JPH3: variants seen among roughly 807,000 people sequenced by gnomAD.
JPH3 encodes the protein junctophilin 3.
JPH3 carries 11 observed loss-of-function variants against 59.6 expected under a neutral mutation model. The observed-to-expected ratio is 0.18, with a 90% CI of 0.12 to 0.31. The LOEUF is 0.31. JPH3 is among the 10% of genes least tolerant of loss of function. The pLI is 1.00. For missense variants in JPH3, 1,202 were observed against 1,105.7 expected, an observed-to-expected ratio of 1.09 and a Z score of -1.24; for synonymous variants, 673 against 483.6, an observed-to-expected ratio of 1.39 and a Z score of -5.14.
At chr16:87,606,043 G>C (rs1391680639) in intron 1 of JPH3, among the ~76,000 whole-genome samples, 1 of 152,216 alleles carries the variant, frequency 6.6e-6, no homozygotes, top group Non-Finnish European at 1.5e-5. Flanking sequence ...GCTTCCTGTT[G>C]GGAAGGGGGT....
In JPH3 at chr16:87,684,408, T is replaced by C; in HGVS notation, c.1285+142T>C. 2.2e-6 allele frequency: 3 copies of C among 1,349,638 alleles called. No individual in the cohort carries two copies. The East Asian group carries it at 7.6e-5, about 34-fold the overall frequency. The allele number at this position is 1,349,638 out of a possible 1,614,324, so 83.6% of individuals were successfully genotyped here. On this transcript the variant is annotated intron_variant, in intron 3 of 4. Transcript: ENST00000284262. Reference sequence around the variant, plus strand: ...GCTGCTCCCCTGCCCGGTGTCTTCCTCTCCCGCCGAAGGTGCTTGTTTGTG... The same window carrying C: ...GCTGCTCCCCTGCCCGGTGTCTTCCCCTCCCGCCGAAGGTGCTTGTTTGTG...
At chr16:87,649,465 T>G (rs1436188748) in intron 2 of JPH3, among the ~76,000 whole-genome samples, 1 of 152,192 alleles carries the variant, frequency 6.6e-6, no homozygotes, top group Non-Finnish European at 1.5e-5. Context: ...CCCGGGTTGC[T>G]CTAGAAGATG....
At chr16:87,603,921 G>A (rs2030373825) in intron 1 of JPH3, among the ~76,000 whole-genome samples, 1 of 152,242 alleles carries the variant, frequency 6.6e-6, no homozygotes, top group South Asian at 2.1e-4. Flanking sequence ...CCCCCACCCT[G>A]GAGGCCGCCC....
In JPH3 at chr16:87,647,083, G is replaced by C. The variant is rs576974491; in HGVS notation, c.1160+2048G>C. Among the ~76,000 whole-genome samples the C allele has an allele frequency of 4.6e-3, 702 of 152,278 alleles. 6 individuals carry two copies. The highest frequency in any genetic ancestry group is 0.02 in the Middle Eastern group (6 of 294). Reference sequence around the variant, plus strand: ...ATCTCTGAAGGCCTGTGAAGCTTAGGTGGTAACAGCTCCCTTCCTGGGGCA... The same window carrying C: ...ATCTCTGAAGGCCTGTGAAGCTTAGCTGGTAACAGCTCCCTTCCTGGGGCA... On this transcript the variant is annotated intron_variant, in intron 2 of 4. Coordinates refer to ENST00000284262, the MANE Select transcript of JPH3 (RefSeq NM_020655.4).
intron 2 of JPH3, among the ~76,000 whole-genome samples, chr16:87,657,527 A>G (rs866946362): frequency 6.6e-6 from 1 of 152,188 alleles, no homozygotes; most frequent in Non-Finnish European, 1.5e-5. Flanking sequence ...GTGAACTTTA[A>G]AACTGTTAAA....
intron 4 of JPH3, among the ~76,000 whole-genome samples, chr16:87,691,882 G>C (rs768239934): frequency 6.6e-6 from 1 of 152,182 alleles, no homozygotes; most frequent in Non-Finnish European, 1.5e-5. Flanking sequence ...GAACAGCCAA[G>C]CAGTGGGCAG....
chr16:87,602,378 T>C (rs1229388362), upstream of JPH3, among the ~76,000 whole-genome samples: 5 of 116,704 alleles, frequency 4.3e-5, no homozygotes, highest in Non-Finnish European at 7.1e-5. Flanking sequence ...CGCCCTAGCC[T>C]GCTGGGCCGC....
chr16:87,624,543 A>G (rs2031301199), intron 1 of JPH3, among the ~76,000 whole-genome samples: 1 of 152,208 alleles, frequency 6.6e-6, no homozygotes, highest in African/African-American at 2.4e-5. Flanking sequence ...TTTTGTGTGA[A>G]TCTGCCACCA....
intron 3 of JPH3, 197 bp downstream of exon 3, chr16:87,684,463 A>G: frequency 1.3e-6 from 1 of 761,638 alleles, no homozygotes. Context: ...CCCGGGACAC[A>G]GGACATGTGT....
At chr16:87,662,774 C>T (rs983207453) in intron 2 of JPH3, among the ~76,000 whole-genome samples, 7 of 152,220 alleles carry the variant, frequency 4.6e-5, no homozygotes, top group Admixed American at 1.3e-4. Context: ...TCAGCCCCCA[C>T]GCAGGGTTGC....
chr16:87,627,069 C>T (rs116180509), intron 1 of JPH3, among the ~76,000 whole-genome samples: 1,848 of 152,346 alleles, frequency 0.012, 17 homozygotes, highest in African/African-American at 0.025. Context: ...GCCTCAAGCC[C>T]GGGCCTGCCC....
At chr16:87,630,577 T>C (rs2150835046) in intron 1 of JPH3, among the ~76,000 whole-genome samples, 1 of 152,360 alleles carries the variant, frequency 6.6e-6, no homozygotes, top group Admixed American at 6.5e-5. Flanking sequence ...ATCACTATTG[T>C]GAGAATCTTC....
At position 87,611,732 on chromosome 16, in the gene JPH3, T is replaced by C. The variant is rs1185131965; in HGVS notation, c.382+8204T>C. Among the ~76,000 whole-genome samples the C allele has an allele frequency of 6.6e-6, 1 of 152,136 alleles. No individual in the cohort carries two copies. Among genetic ancestry groups the C allele is most frequent in the African/African-American group, 2.4e-5 (1 of 41,426 alleles). On this transcript the variant is annotated intron_variant, in intron 1 of 4. Coordinates refer to ENST00000284262, the MANE Select transcript of JPH3 (RefSeq NM_020655.4). This position sits in a 1 kb window ranked among gnomAD's most constrained non-coding sequence, Gnocchi z 4.5. Reference sequence around the variant, plus strand: ...AGACACAGATTTCCAGCCCCACCCCTGAGTCTCTGGGCCTGGGATGCCACC... The same window carrying C: ...AGACACAGATTTCCAGCCCCACCCCCGAGTCTCTGGGCCTGGGATGCCACC...
chr16:87,605,864 C>T (rs374210015), intron 1 of JPH3, among the ~76,000 whole-genome samples: 3 of 152,306 alleles, frequency 2.0e-5, no homozygotes, highest in African/African-American at 4.8e-5. Flanking sequence ...AAGGGGTATG[C>T]GGTTCTTAGC....
intron 2 of JPH3, among the ~76,000 whole-genome samples, chr16:87,672,455 C>G (rs13333542): frequency 0.25 from 38,430 of 152,116 alleles, 5,086 homozygotes; most frequent in African/African-American, 0.3. Flanking sequence ...TGAGGGTGGG[C>G]ATGATGGGCA....
chr16:87,664,313 C>T (rs1407998469), intron 2 of JPH3, among the ~76,000 whole-genome samples: 1 of 126,402 alleles, frequency 7.9e-6, no homozygotes, highest in Admixed American at 8.5e-5. Context: ...GCCTGGGCGA[C>T]AGAATGAGAC....
Position 87,611,539 on chromosome 16 carries a change from C to T in JPH3, c.382+8011C>T, listed in dbSNP as rs1052602206. Among the ~76,000 whole-genome samples the T allele has an allele frequency of 6.6e-6, 1 of 152,156 alleles. No homozygotes were observed. The highest frequency in any genetic ancestry group is 2.4e-5 in the African/African-American group (1 of 41,434). ...TGAATGTCACGGGTATTGTTCTGGACCCAGGGAAGGCTCGCTGGTGCAAAT... is the reference window on the plus strand; with the variant it reads ...TGAATGTCACGGGTATTGTTCTGGATCCAGGGAAGGCTCGCTGGTGCAAAT... On this transcript the variant is annotated intron_variant, in intron 1 of 4. Coordinates refer to ENST00000284262, the MANE Select transcript of JPH3 (RefSeq NM_020655.4). This position sits in a 1 kb window ranked among gnomAD's most constrained non-coding sequence, Gnocchi z 4.5.
At position 87,696,577 on chromosome 16, in the gene JPH3, C is replaced by T. The variant is rs761228498; in HGVS notation, c.2167-3C>T. 8 of 1,612,788 alleles carry T rather than the reference C, an allele frequency of 5.0e-6. No individual in the cohort carries two copies. The highest frequency in any genetic ancestry group is 1.3e-5 in the African/African-American group (1 of 74,926). On this transcript the variant is annotated splice_polypyrimidine_tract_variant and splice_region_variant and intron_variant, in intron 4 of 4. Transcript: ENST00000284262. ...CTCACCTCTTCCCCTCGCTCTCTTCCAGGGCTCAGCGCCTATCCTGGTGGT... is the reference window on the plus strand; with the variant it reads ...CTCACCTCTTCCCCTCGCTCTCTTCTAGGGCTCAGCGCCTATCCTGGTGGT...
intron 1 of JPH3, among the ~76,000 whole-genome samples, chr16:87,627,323 G>A (rs540094702): frequency 1.3e-5 from 2 of 152,356 alleles, no homozygotes; most frequent in East Asian, 1.9e-4. Flanking sequence ...CCCAGGTGGC[G>A]CCACCAGCTT....
Sources: gnomAD v4.1 joint callset for allele counts (sites outside exome capture counted in the v4.1 genomes callset) on GRCh38, gnomAD v4.1.1 for gene constraint, Gnocchi (gnomAD v3.1) non-coding constraint, MANE v1.5 for transcripts, NCBI Gene and HGNC (gene_info 2026-07-23, HGNC 2026-07-21) for gene names.